The following CTDSP2 variants were observed in gnomAD, a reference collection of about 807,000 sequenced individuals.
The protein encoded by CTDSP2 is CTD small phosphatase 2.
Under a neutral mutation model 31.6 loss-of-function variants are expected in CTDSP2, and 9 were observed. The observed-to-expected ratio is 0.28, with a 90% confidence interval of 0.17 to 0.50. CTDSP2 has a LOEUF of 0.50. Among genes scored for constraint, CTDSP2 ranks in the 20% least tolerant of loss-of-function variants. The pLI is 0.98. For synonymous variants in CTDSP2, 134 were observed against 134.5 expected (o/e 1.00, Z 0.03); for missense variants, 267 against 348.5 (o/e 0.77, Z 1.86).
rs1956160550 is a variant in CTDSP2, at chr12:57,823,392, A to T, written c.*210T>A. The T allele has an allele frequency of 1.7e-6, 1 of 592,922 alleles. No homozygotes were observed. The highest frequency in any genetic ancestry group is 3.0e-6 in the Non-Finnish European group (1 of 334,380). The allele number at this position is 592,922 out of a possible 1,614,324, so 36.7% of individuals were successfully genotyped here. A position where few individuals can be genotyped will look rare whatever the true frequency, so the allele number is the denominator to read the frequency against. ...TCTCTCACAGTCAAACACACATCTCAACAAGTTGGCGGCAGGTAGCTCTGG... is the reference window on the plus strand; with the variant it reads ...TCTCTCACAGTCAAACACACATCTCTACAAGTTGGCGGCAGGTAGCTCTGG... On this transcript the variant is annotated 3_prime_UTR_variant, in exon 8 of 8. Transcript: ENST00000398073.
At chr12:57,841,646 A>C (rs1361154957) in intron 1 of CTDSP2, among the ~76,000 whole-genome samples, 1 of 152,208 alleles carries the variant, frequency 6.6e-6, no homozygotes, top group African/African-American at 2.4e-5. Context: ...GGCTGTTTGT[A>C]AGCCTAAGAG....
chr12:57,832,183 A>C (rs1456616759), intron 1 of CTDSP2, among the ~76,000 whole-genome samples: 34 of 152,192 alleles, frequency 2.2e-4, no homozygotes, highest in Non-Finnish European at 4.4e-5. Context: ...CAGATTCCTT[A>C]ACATTGGTAT....
At chr12:57,828,753 G>C (rs1051970504) in intron 2 of CTDSP2, among the ~76,000 whole-genome samples, 5 of 152,234 alleles carry the variant, frequency 3.3e-5, no homozygotes, top group African/African-American at 1.2e-4. Flanking sequence ...TGAGAAAAAG[G>C]AAGGACAACC....
rs1956189431 is a variant in CTDSP2 at position 57,827,373 on chromosome 12, C to T, written c.252+179G>A. ...AGAGGGCATGGAGCACCAGCTGTCCCCTAAAATCTAATGCCTTGCACATAG... is the reference window on the plus strand; with the variant it reads ...AGAGGGCATGGAGCACCAGCTGTCCTCTAAAATCTAATGCCTTGCACATAG... On this transcript the variant is annotated intron_variant, in intron 3 of 7. Transcript: ENST00000398073. 2.3e-5 allele frequency: 16 copies of T among 682,642 alleles called. No homozygotes were observed. In the South Asian group the frequency reaches 2.7e-4, roughly 11 times the overall value. The allele number at this position is 682,642 out of a possible 1,614,324, so 42.3% of individuals were successfully genotyped here. A position where few individuals can be genotyped will look rare whatever the true frequency, so the allele number is the denominator to read the frequency against.
Position 57,824,582 on chromosome 12 carries a change from C to T in CTDSP2, c.412-263G>A, listed in dbSNP as rs1330958262. ...AGCGCACACACCATGTCCCAGGAGC[C>T]ATCTCTGTTTCCGGCGGCGGACCAT... On this transcript the variant is annotated intron_variant, in intron 5 of 7. Coordinates refer to ENST00000398073, the MANE Select transcript of CTDSP2 (RefSeq NM_005730.4). 4.6e-6 allele frequency: 3 copies of T among 649,728 alleles called. No homozygotes were observed. The East Asian group carries it at 1.0e-4, about 22-fold the overall frequency. 40.2% of individuals were successfully genotyped at this position (649,728 alleles called of 1,614,324 possible).
chr12:57,839,543 C>T (rs1017546927), intron 1 of CTDSP2, among the ~76,000 whole-genome samples: 3 of 152,082 alleles, frequency 2.0e-5, no homozygotes, highest in South Asian at 4.1e-4. Flanking sequence ...ACAGTGAAAC[C>T]GCGTCTCTAC....
intron 1 of CTDSP2, among the ~76,000 whole-genome samples, chr12:57,832,735 T>C (rs1475198134): frequency 7.8e-6 from 1 of 127,556 alleles, no homozygotes; most frequent in East Asian, 2.3e-4. Context: ...TAGGTTGCAC[T>C]GAGCTGAGAT....
chr12:57,830,341 C>T (rs1032060042), intron 1 of CTDSP2, among the ~76,000 whole-genome samples: 5 of 152,076 alleles, frequency 3.3e-5, no homozygotes, highest in South Asian at 2.1e-4. Flanking sequence ...GCCAAGATCG[C>T]GCCACTGCAC....
intron 1 of CTDSP2, among the ~76,000 whole-genome samples, chr12:57,830,259 C>G (rs1215192324): frequency 6.6e-6 from 1 of 152,162 alleles, no homozygotes; most frequent in Non-Finnish European, 1.5e-5. Context: ...GTGGCGGGTG[C>G]TTGTAGTCCC....
chr12:57,827,156 G>A, intron 3 of CTDSP2, 59 bp from the exon 4 acceptor site: 1 of 1,251,300 alleles, frequency 8.0e-7, no homozygotes, highest in South Asian at 1.2e-5. Flanking sequence ...TGTACCCCTT[G>A]GCATAATTAT....
At position 57,826,363 on chromosome 12, in the gene CTDSP2, C is replaced by T. The variant is rs930251925; in HGVS notation, c.394G>A (p.Glu132Lys). Residue 132 changes from glutamate to lysine, a missense_variant, in exon 5 of 8, where the codon GAG becomes AAG. Glu to Lys is a moderately conservative substitution (Grantham distance 56). This residue lies in a region of CTDSP2 where 156 missense variants were observed against 241.3 expected (regional missense o/e 0.65). Transcript: ENST00000398073. The stretch of plus-strand genomic sequence containing the variant: ...CAGCTCACCTGGTGAGTGGTCCCCT[C>T]AATCTCTATAGGCACTATGAAGTCA... ...NADFIVPIEI[E>K]GTTHQVYVLK... 1.2e-6 allele frequency: 2 copies of T among 1,614,098 alleles called. No homozygotes were observed. The highest frequency in any genetic ancestry group is 3.3e-5 in the Admixed American group (2 of 60,014).
intron 1 of CTDSP2, among the ~76,000 whole-genome samples, chr12:57,833,327 A>G (rs1033765538): frequency 1.3e-5 from 2 of 152,168 alleles, no homozygotes; most frequent in Admixed American, 1.3e-4. Flanking sequence ...CAAAAACCCA[A>G]TGTGGCCGGC....
intron 1 of CTDSP2, among the ~76,000 whole-genome samples, chr12:57,836,930 C>T (rs565164584): frequency 6.6e-6 from 1 of 152,262 alleles, no homozygotes; most frequent in South Asian, 2.1e-4. Context: ...CCTTCCCCAC[C>T]ACCTCCCATC....
chr12:57,827,574 C>T lies in CTDSP2; in HGVS notation c.230G>A (p.Cys77Tyr), dbSNP rs371679234. Residue 77 changes from cysteine (C) to tyrosine (Y), a missense_variant, in exon 3 of 8, where the codon TGT (cysteine) becomes TAT (tyrosine). Transcript: ENST00000398073. ...TACCTGGTAGAACTGGTACTGGAGA[C>T]ACTGGAGCAGATCCGACTGAGGAAG... Reference protein sequence around the residue: ...NTIAKSDLLQCLQYQFYQIPG... With the variant: ...NTIAKSDLLQYLQYQFYQIPG... 5 of 1,614,066 alleles carry T rather than the reference C, an allele frequency of 3.1e-6. No homozygotes were observed. In the African/African-American group the frequency reaches 5.3e-5, roughly 17 times the overall value.
rs959620607 is a variant in CTDSP2 at position 57,840,247 on chromosome 12, G to A, written c.64+6125C>T. ...TGGGGGGTCTGTATTTTTAGCAAGTGTCACAGGAGACTCTGATGTGTGTCC... is the reference window on the plus strand; with the variant it reads ...TGGGGGGTCTGTATTTTTAGCAAGTATCACAGGAGACTCTGATGTGTGTCC... On this transcript the variant is annotated intron_variant, in intron 1 of 7. Coordinates refer to ENST00000398073, the MANE Select transcript of CTDSP2 (RefSeq NM_005730.4). Among the ~76,000 whole-genome samples the A allele has an allele frequency of 2.6e-5, 4 of 152,374 alleles. No homozygotes were observed. The East Asian group carries it at 5.8e-4, about 22-fold the overall frequency.
At chr12:57,844,755 G>C (rs1956303653) in intron 1 of CTDSP2, among the ~76,000 whole-genome samples, 1 of 151,880 alleles carries the variant, frequency 6.6e-6, no homozygotes, top group South Asian at 2.1e-4. Flanking sequence ...ATGCAGCCAG[G>C]AGAGCAGAAA....
chr12:57,845,962 G>A (rs1358590479), intron 1 of CTDSP2, among the ~76,000 whole-genome samples: 1 of 152,148 alleles, frequency 6.6e-6, no homozygotes, highest in Non-Finnish European at 1.5e-5. Context: ...CGTTCCACCT[G>A]GGGCTCCCTC....
At chr12:57,826,431 G>T in intron 4 of CTDSP2, 29 bp from the exon 5 acceptor site, 1 of 1,611,386 alleles carries the variant, frequency 6.2e-7, no homozygotes, top group East Asian at 2.2e-5. Flanking sequence ...AATGCTGTCA[G>T]CATGGTGGCA....
chr12:57,824,163 G>T, intron 6 of CTDSP2, 64 bp downstream of exon 6: 1 of 1,608,458 alleles, frequency 6.2e-7, no homozygotes, highest in Non-Finnish European at 8.5e-7. Flanking sequence ...CCAAAAGGGA[G>T]CTGCTGGACC....
Sources: allele counts gnomAD v4.1 joint callset (sites outside exome capture counted in the v4.1 genomes callset), GRCh38; gene constraint gnomAD v4.1.1; regional missense constraint gnomAD v4.1.1; transcripts MANE v1.5; gene names NCBI Gene and HGNC (gene_info 2026-07-23, HGNC 2026-07-21).